Variants in FOXP2 observed in about 807,000 individuals in gnomAD.
FOXP2 encodes forkhead box P2, also known as forkhead box protein P2.
In FOXP2, 12 loss-of-function variants were observed where a neutral mutation model predicts 115.8. The ratio of observed to expected loss-of-function variants is 0.10; its 90% CI spans 0.07 to 0.17. The LOEUF is 0.17. Among genes scored for constraint, FOXP2 ranks in the 10% least tolerant of loss-of-function variants. The pLI is 1.00. For missense variants in FOXP2, 629 were observed against 843.5 expected (o/e 0.75, Z 3.15); for synonymous variants, 328 against 297.7 (o/e 1.10, Z -1.05).
chr7:114,574,944 T>A (rs1402393342), intron 3 of FOXP2, among the ~76,000 whole-genome samples: 1 of 151,936 alleles, frequency 6.6e-6, no homozygotes. Flanking sequence ...TCTTTCTCCC[T>A]ACAGGTCTTT....
chr7:114,336,373 G>T (rs1797854709), intron 2 of FOXP2, among the ~76,000 whole-genome samples: 2 of 150,802 alleles, frequency 1.3e-5, no homozygotes, highest in South Asian at 2.1e-4. Context: ...GTATATACTA[G>T]GCATAAACCT....
At chr7:114,651,251 A>G (rs1188288982) in intron 8 of FOXP2, among the ~76,000 whole-genome samples, 1 of 152,092 alleles carries the variant, frequency 6.6e-6, no homozygotes, top group East Asian at 1.9e-4. Context: ...CATTTCACTT[A>G]TATGCAATGA....
chr7:114,408,051 A>G (rs1424975589), intron 2 of FOXP2, among the ~76,000 whole-genome samples: 1 of 152,156 alleles, frequency 6.6e-6, no homozygotes, highest in Non-Finnish European at 1.5e-5. Context: ...TGAATTTTTG[A>G]TTAACATTTT....
intron 2 of FOXP2, among the ~76,000 whole-genome samples, chr7:114,465,291 CACA>C (rs1050851930): frequency 6.6e-6 from 1 of 152,062 alleles, no homozygotes; most frequent in Non-Finnish European, 1.5e-5. Flanking sequence ...GCTTTATTTT[CACA>C]ACTATTTTAT....
At chr7:114,668,651 G>C (rs1180945509) in intron 16 of FOXP2, 1 of 152,166 alleles carries the variant, frequency 6.6e-6, no homozygotes, top group African/African-American at 2.4e-5. Flanking sequence ...ACATGTGTGA[G>C]TGTGTGTGCA....
At chr7:114,634,929 A>G (rs1342460725) in intron 6 of FOXP2, among the ~76,000 whole-genome samples, 1 of 152,144 alleles carries the variant, frequency 6.6e-6, no homozygotes, top group Non-Finnish European at 1.5e-5. Flanking sequence ...ACATGTGGTG[A>G]TGATTTTCTG....
intron 1 of FOXP2, among the ~76,000 whole-genome samples, chr7:114,256,394 A>T (rs1353505474): frequency 6.6e-6 from 1 of 152,212 alleles, no homozygotes; most frequent in Non-Finnish European, 1.5e-5. Flanking sequence ...GGTGTGAGCC[A>T]CCATGCCCAG....
At chr7:114,374,684 C>G (rs886636476) in intron 2 of FOXP2, among the ~76,000 whole-genome samples, 1 of 152,108 alleles carries the variant, frequency 6.6e-6, no homozygotes, top group African/African-American at 2.4e-5. Context: ...TATTGTTTAT[C>G]CCCCCCTACT....
chr7:114,625,496 T>C (rs1409661620), intron 3 of FOXP2, among the ~76,000 whole-genome samples: 1 of 151,868 alleles, frequency 6.6e-6, no homozygotes, highest in Non-Finnish European at 1.5e-5. Context: ...ACTGATTTCG[T>C]CTATTTAAAT....
chr7:114,607,633 T>A (rs1803400371), intron 3 of FOXP2, among the ~76,000 whole-genome samples: 1 of 152,050 alleles, frequency 6.6e-6, no homozygotes, highest in South Asian at 2.1e-4. Context: ...ATTTGTATTC[T>A]CCCACAATCC....
intron 1 of FOXP2, among the ~76,000 whole-genome samples, chr7:114,150,025 T>G (rs1038322175): frequency 7.2e-5 from 11 of 152,138 alleles, no homozygotes; most frequent in Non-Finnish European, 1.6e-4. Context: ...TAGCAAGTGC[T>G]AATTTTTAAA....
intron 1 of FOXP2, among the ~76,000 whole-genome samples, chr7:114,227,548 CTTTCTAGAATACCTG>C (rs1188774678): frequency 2.1e-4 from 4 of 18,712 alleles, no homozygotes; most frequent in Non-Finnish European, 4.2e-4. Context: ...GAATACCTGT[CTTTCTAGAATACCTG>C]TCTTTCTAGA....
chr7:114,202,281 A>G (rs1489858477), intron 1 of FOXP2, among the ~76,000 whole-genome samples: 1 of 152,140 alleles, frequency 6.6e-6, no homozygotes, highest in Non-Finnish European at 1.5e-5. Flanking sequence ...TCCTCTCTGT[A>G]TGTTCCTGTA....
chr7:114,360,145 A>T (rs1186952481), intron 2 of FOXP2, among the ~76,000 whole-genome samples: 2 of 152,100 alleles, frequency 1.3e-5, no homozygotes, highest in African/African-American at 4.8e-5. Flanking sequence ...ATCTCACAAT[A>T]TCTGATAGTT....
At chr7:114,310,950 T>C (rs745789717) in intron 2 of FOXP2, among the ~76,000 whole-genome samples, 4 of 152,194 alleles carry the variant, frequency 2.6e-5, no homozygotes, top group Non-Finnish European at 5.9e-5. Context: ...TATGTTGACA[T>C]ACTTCCAGGG....
intron 1 of FOXP2, among the ~76,000 whole-genome samples, chr7:114,141,411 A>G (rs1298177624): frequency 6.6e-6 from 1 of 152,248 alleles, no homozygotes; most frequent in East Asian, 1.9e-4. Flanking sequence ...GTGATTTCCC[A>G]AAACGGACCT....
chr7:114,109,853 T>A (rs1438600561), intron 1 of FOXP2, among the ~76,000 whole-genome samples: 2 of 152,164 alleles, frequency 1.3e-5, no homozygotes, highest in Non-Finnish European at 2.9e-5. Flanking sequence ...GAGATTTCTT[T>A]AATTTCCATG....
chr7:114,680,700 G>A (rs535142862), intron 16 of FOXP2, among the ~76,000 whole-genome samples: 1 of 151,268 alleles, frequency 6.6e-6, no homozygotes, highest in South Asian at 2.1e-4. Context: ...AGCCGAGATC[G>A]TGCCACTGCA....
intron 1 of FOXP2, among the ~76,000 whole-genome samples, chr7:114,225,694 C>T (rs1252651685): frequency 6.6e-6 from 1 of 152,088 alleles, no homozygotes; most frequent in Non-Finnish European, 1.5e-5. Context: ...CTCCAGGGGT[C>T]TTCCTGTCTT....
Sources: gnomAD v4.1 joint callset for allele counts (sites outside exome capture counted in the v4.1 genomes callset) on GRCh38, gnomAD v4.1.1 for gene constraint, MANE v1.5 for transcripts, NCBI Gene and HGNC (gene_info 2026-07-23, HGNC 2026-07-21) for gene names.